The following GRID2 variants were observed in gnomAD, a reference collection of about 807,000 sequenced individuals.
The protein encoded by GRID2 is glutamate receptor ionotropic, delta-2.
GRID2 carries 33 observed loss-of-function variants against 114.8 expected under a neutral mutation model. That is an observed-to-expected ratio of 0.29 (90% CI 0.22 to 0.38). The LOEUF (loss-of-function observed/expected upper bound fraction) is 0.38. Among genes scored for constraint, GRID2 ranks in the 10% least tolerant of loss-of-function variants. The pLI is 1.00. For synonymous variants in GRID2, 505 were observed against 449.9 expected (o/e 1.12, Z -1.55); for missense variants, 1,184 against 1,257.7 (o/e 0.94, Z 0.89).
chr4:92,491,088 T>C (rs1488128555), intron 1 of GRID2, among the ~76,000 whole-genome samples: 1 of 152,188 alleles, frequency 6.6e-6, no homozygotes, highest in South Asian at 2.1e-4. Flanking sequence ...ATTGTAGATC[T>C]TATATATCAC....
chr4:92,344,351 T>C (rs981837801), intron 1 of GRID2, among the ~76,000 whole-genome samples: 5 of 152,198 alleles, frequency 3.3e-5, no homozygotes, highest in Admixed American at 6.5e-5. Context: ...TGAAAGGGCT[T>C]AGAAATTCTT....
intron 13 of GRID2, among the ~76,000 whole-genome samples, chr4:93,536,689 T>C (rs1160988996): frequency 1.3e-5 from 2 of 151,344 alleles, no homozygotes; most frequent in Non-Finnish European, 3.0e-5. Context: ...AGAGATTCAA[T>C]TGTCAGCTTT....
chr4:93,023,872 G>A (rs1326527729), intron 2 of GRID2, among the ~76,000 whole-genome samples: 6 of 151,814 alleles, frequency 4.0e-5, no homozygotes, highest in African/African-American at 1.2e-4. Context: ...TGTTTCAGCA[G>A]CACCTAGAAA....
intron 1 of GRID2, among the ~76,000 whole-genome samples, chr4:93,789,991 G>A (rs976233837): frequency 3.3e-5 from 5 of 152,118 alleles, no homozygotes; most frequent in African/African-American, 1.2e-4. Flanking sequence ...ACATGTGAGG[G>A]ATCTAGGTTG....
At chr4:92,988,651 C>G (rs561396584) in intron 2 of GRID2, among the ~76,000 whole-genome samples, 2 of 151,970 alleles carry the variant, frequency 1.3e-5, no homozygotes, top group South Asian at 2.1e-4. Flanking sequence ...TTTATAGACA[C>G]GAAAAAGATT....
chr4:93,227,225 T>C (rs1745588230), intron 7 of GRID2, among the ~76,000 whole-genome samples: 1 of 151,862 alleles, frequency 6.6e-6, no homozygotes, highest in African/African-American at 2.4e-5. Flanking sequence ...CTTGATATTC[T>C]CTCCTGAATA....
chr4:93,794,132 A>G (rs142915898), intron 1 of GRID2, among the ~76,000 whole-genome samples: 1 of 152,326 alleles, frequency 6.6e-6, no homozygotes, highest in African/African-American at 2.4e-5. Flanking sequence ...TCTTCAAACT[A>G]TAAAATCAAA....
intron 14 of GRID2, among the ~76,000 whole-genome samples, chr4:93,741,293 C>A (rs1477739790): frequency 6.7e-6 from 1 of 149,118 alleles, no homozygotes; most frequent in African/African-American, 2.5e-5. Flanking sequence ...TTTAAATGCT[C>A]CTCATGTAAA....
chr4:93,490,324 C>G, intron 11 of GRID2, among the ~76,000 whole-genome samples: 1 of 151,760 alleles, frequency 6.6e-6, no homozygotes, highest in East Asian at 1.9e-4. Flanking sequence ...AATGAATAAT[C>G]AAGCCCTTGG....
intron 8 of GRID2, among the ~76,000 whole-genome samples, chr4:93,290,316 G>C (rs1427142198): frequency 1.3e-5 from 2 of 152,174 alleles, no homozygotes; most frequent in East Asian, 3.9e-4. Context: ...AGAGGTGTTC[G>C]GATAGAGCTG....
At chr4:92,776,342 C>T (rs765545680) in intron 2 of GRID2, among the ~76,000 whole-genome samples, 13 of 152,094 alleles carry the variant, frequency 8.5e-5, no homozygotes, top group Non-Finnish European at 2.9e-5. Flanking sequence ...GTCGTATTTG[C>T]TCACTGCTAC....
chr4:93,263,078 A>G (rs988377998), intron 8 of GRID2, among the ~76,000 whole-genome samples: 1 of 151,630 alleles, frequency 6.6e-6, no homozygotes, highest in East Asian at 1.9e-4. Flanking sequence ...CAAATAATTC[A>G]TTTTTCTCTT....
Position 93,529,712 on chromosome 4 carries a change from AC to A in GRID2, c.2193+14302del, listed in dbSNP as rs1731259840. On this transcript the variant is annotated intron_variant, in intron 13 of 15. Coordinates refer to ENST00000282020, the MANE Select transcript of GRID2 (RefSeq NM_001510.4). ...GTGTTGAATGTTTCAACACTAAGGA[AC>A]AAAACCTTCCCTGTCTTTGCTCCTT... 2.0e-5 allele frequency among the ~76,000 whole-genome samples: 3 copies of A among 152,246 alleles called. No individual in the cohort carries two copies. The South Asian group carries it at 6.2e-4, about 32-fold the overall frequency.
intron 2 of GRID2, among the ~76,000 whole-genome samples, chr4:92,872,536 T>G (rs1745348401): frequency 6.6e-6 from 1 of 152,070 alleles, no homozygotes; most frequent in South Asian, 2.1e-4. Flanking sequence ...TTTGGATGAT[T>G]AAAAATAAGA....
chr4:93,054,073 GT>G (rs1726983295), intron 2 of GRID2, among the ~76,000 whole-genome samples: 1 of 151,784 alleles, frequency 6.6e-6, no homozygotes, highest in Non-Finnish European at 1.5e-5. Context: ...AGCATTTTTT[GT>G]TTGTTTTATG....
At chr4:92,909,203 T>G (rs1219430460) in intron 2 of GRID2, among the ~76,000 whole-genome samples, 1 of 151,814 alleles carries the variant, frequency 6.6e-6, no homozygotes, top group East Asian at 1.9e-4. Context: ...AAAAGTTTAC[T>G]GGTTGAATTA....
intron 1 of GRID2, among the ~76,000 whole-genome samples, chr4:92,575,112 T>C (rs1443753817): frequency 6.6e-6 from 1 of 152,218 alleles, no homozygotes; most frequent in African/African-American, 2.4e-5. Context: ...CTGCTATTAA[T>C]GCTTGTAATT....
chr4:92,419,187 T>C (rs1731766980), intron 1 of GRID2, among the ~76,000 whole-genome samples: 1 of 152,136 alleles, frequency 6.6e-6, no homozygotes, highest in Admixed American at 6.6e-5. Context: ...CTCTAATCAG[T>C]CTACCAGTAA....
chr4:92,944,926 A>C (rs574457954), intron 2 of GRID2, among the ~76,000 whole-genome samples: 1 of 152,334 alleles, frequency 6.6e-6, no homozygotes, highest in East Asian at 1.9e-4. Flanking sequence ...TGCATGGGAT[A>C]TAAGCAACAA....
Sources: allele counts gnomAD v4.1 joint callset (sites outside exome capture counted in the v4.1 genomes callset), GRCh38; gene constraint gnomAD v4.1.1; transcripts MANE v1.5; gene names NCBI Gene and HGNC (gene_info 2026-07-23, HGNC 2026-07-21).